Variants in TRIML1 observed in about 807,000 individuals in gnomAD.
TRIML1 encodes probable E3 ubiquitin-protein ligase TRIML1.
Under a neutral mutation model 32.3 loss-of-function variants are expected in TRIML1, and 34 were observed. The ratio of observed to expected loss-of-function variants is 1.05; its 90% CI spans 0.80 to 1.40. The LOEUF (loss-of-function observed/expected upper bound fraction) is 1.40, where lower values mean the gene tolerates loss of function less well. TRIML1 is among the 40% of genes most tolerant of loss of function. The pLI is 0.00. For synonymous variants in TRIML1, 244 were observed against 226.6 expected (o/e 1.08, Z -0.69); for missense variants, 595 against 574.9 (o/e 1.03, Z -0.36).
In TRIML1 at chr4:188,139,734, C is replaced by T. The variant is rs1560969213; in HGVS notation, c.176C>T (p.Thr59Ile). 6.2e-7 allele frequency: 1 copy of T among 1,613,920 alleles called. No homozygotes were observed. The highest frequency in any genetic ancestry group is 1.3e-5 in the African/African-American group (1 of 75,004). Residue 59 changes from threonine to isoleucine, a missense_variant, in exon 1 of 6, where the codon ACC becomes ATC. Thr to Ile is a moderately conservative substitution (Grantham distance 89). Coordinates refer to ENST00000332517, the MANE Select transcript of TRIML1 (RefSeq NM_178556.5). The stretch of plus-strand genomic sequence containing the variant: ...TTATCTTGTCCTGAGTGCTGGAGGA[C>T]CTTGGAGGGCCCGCATTTCCAGTCA... ...TPLSCPECWR[T>I]LEGPHFQSNE...
intron 1 of TRIML1, 152 bp downstream of exon 1, chr4:188,140,118 T>C (rs1271957154): frequency 1.3e-6 from 1 of 765,994 alleles, no homozygotes; most frequent in Non-Finnish European, 2.0e-6. Flanking sequence ...TTACACCCTT[T>C]TTTTTCCCTT....
At position 188,139,916 on chromosome 4, in the gene TRIML1, C is replaced by T. The variant is rs752917428; in HGVS notation, c.358C>T (p.His120Tyr). 2.5e-6 allele frequency: 4 copies of T among 1,613,648 alleles called. No homozygotes were observed. In the East Asian group the frequency reaches 8.9e-5, roughly 36 times the overall value. The part of the protein sequence containing the change: ...QGGSAFVAQS[H>Y]GANRVHLSSE... ...TGGAAGCGCCTTCGTAGCCCAGAGC[C>T]ATGGTGCAAACAGAGTGCATCTCTC... The change falls in exon 1 of 6, where the codon CAT becomes TAT. Residue 120 changes from histidine to tyrosine, a missense_variant. By Grantham distance (83) the His-to-Tyr change is moderately conservative. Coordinates refer to ENST00000332517, the MANE Select transcript of TRIML1 (RefSeq NM_178556.5).
rs1734814128 is a variant in TRIML1 at position 188,140,518 on chromosome 4, T to C, written c.409-10T>C. On this transcript the variant is annotated splice_polypyrimidine_tract_variant and intron_variant, in intron 1 of 5. Coordinates refer to ENST00000332517, the MANE Select transcript of TRIML1 (RefSeq NM_178556.5). ...GCTCATTTGCCAGAAAGGGTTTGTTTCTATTGCAGGAGAAACTCCAGGAAA... is the reference window on the plus strand; with the variant it reads ...GCTCATTTGCCAGAAAGGGTTTGTTCCTATTGCAGGAGAAACTCCAGGAAA... The C allele has an allele frequency of 6.2e-7, 1 of 1,606,770 alleles. No homozygotes were observed. Among genetic ancestry groups the C allele is most frequent in the Admixed American group, 1.7e-5 (1 of 59,360 alleles).
chr4:188,147,419 C>T lies in TRIML1; in HGVS notation c.*47C>T. Reference sequence around the variant, plus strand: ...CAGCGGGCGATGTCTGAGACCAAGACACAACTATTAAGACGATGAAGGCAT... The same window carrying T: ...CAGCGGGCGATGTCTGAGACCAAGATACAACTATTAAGACGATGAAGGCAT... On this transcript the variant is annotated 3_prime_UTR_variant, in exon 6 of 6. Transcript: ENST00000332517. 1 of 1,429,568 alleles carries T rather than the reference C, an allele frequency of 7.0e-7. No individual in the cohort carries two copies. The highest frequency in any genetic ancestry group is 9.2e-7 in the Non-Finnish European group (1 of 1,089,972). 88.6% of individuals were successfully genotyped at this position (1,429,568 alleles called of 1,614,324 possible).
chr4:188,144,200 T>A, intron 5 of TRIML1, 67 bp downstream of exon 5: 1 of 1,364,994 alleles, frequency 7.3e-7, no homozygotes, highest in East Asian at 2.4e-5. Context: ...CTTCTTCCAG[T>A]GTCAGACATT....
chr4:188,148,552 G>A (rs1259451412), downstream of TRIML1, among the ~76,000 whole-genome samples: 18 of 152,140 alleles, frequency 1.2e-4, no homozygotes. Context: ...GAGCTCTTTT[G>A]GCTGGTGGTC....
In TRIML1 at chr4:188,139,614, G is replaced by A; in HGVS notation, c.56G>A (p.Cys19Tyr). Residue 19 changes from cysteine (C) to tyrosine (Y), a missense_variant, in exon 1 of 6, where the codon TGC becomes TAC. Cys to Tyr is a radical substitution (Grantham distance 194). Coordinates refer to ENST00000332517, the MANE Select transcript of TRIML1 (RefSeq NM_178556.5). ...NLREELTCFI[C>Y]LDYFSSPVTT... ...AGGGAGGAACTCACCTGTTTCATCTGCTTAGACTATTTCAGCAGCCCAGTG... is the reference window on the plus strand; with the variant it reads ...AGGGAGGAACTCACCTGTTTCATCTACTTAGACTATTTCAGCAGCCCAGTG... 1 of 1,613,420 alleles carries A rather than the reference G, an allele frequency of 6.2e-7. No homozygotes were observed. The highest frequency in any genetic ancestry group is 8.5e-7 in the Non-Finnish European group (1 of 1,179,682).
Position 188,139,815 on chromosome 4 carries a change from T to C in TRIML1, c.257T>C (p.Leu86Pro). 6.2e-7 allele frequency: 1 copy of C among 1,613,926 alleles called. No homozygotes were observed. Among genetic ancestry groups the C allele is most frequent in the Non-Finnish European group, 8.5e-7 (1 of 1,180,028 alleles). The change falls in exon 1 of 6, where the codon CTG becomes CCG. Residue 86 changes from leucine (L) to proline (P), a missense_variant. By Grantham distance (98) the Leu-to-Pro change is moderately conservative. Transcript: ENST00000332517. Reference sequence around the variant, plus strand: ...GCCAGGCAGCTCCGGTCCCAGGTGCTGCAGAGCGAGGATGAGCAGGGCAGC... The same window carrying C: ...GCCAGGCAGCTCCGGTCCCAGGTGCCGCAGAGCGAGGATGAGCAGGGCAGC... ...SIARQLRSQVLQSEDEQGSYG... is the reference protein window; with the variant it reads ...SIARQLRSQVPQSEDEQGSYG...
chr4:188,150,665 G>C (rs1735230074), downstream of TRIML1, among the ~76,000 whole-genome samples: 1 of 151,760 alleles, frequency 6.6e-6, no homozygotes, highest in South Asian at 2.1e-4. Context: ...GTCCCAAAGT[G>C]GTAGATACTG....
At chr4:188,138,412 G>C (rs915434071), upstream of TRIML1, among the ~76,000 whole-genome samples, 1 of 152,028 alleles carries the variant, frequency 6.6e-6, no homozygotes, top group Non-Finnish European at 1.5e-5. Context: ...GAAATATGGC[G>C]TGATGAGTTC....
intron 2 of TRIML1, among the ~76,000 whole-genome samples, chr4:188,141,624 G>A (rs1375597550): frequency 1.3e-5 from 2 of 151,944 alleles, no homozygotes; most frequent in African/African-American, 4.8e-5. Context: ...TCATAGTCCT[G>A]ATCACTACTT....
In TRIML1 at chr4:188,147,417, G is replaced by T; in HGVS notation, c.*45G>T. On this transcript the variant is annotated 3_prime_UTR_variant, in exon 6 of 6. Transcript: ENST00000332517. ...CACAGCGGGCGATGTCTGAGACCAAGACACAACTATTAAGACGATGAAGGC... is the reference window on the plus strand; with the variant it reads ...CACAGCGGGCGATGTCTGAGACCAATACACAACTATTAAGACGATGAAGGC... 7.0e-7 allele frequency: 1 copy of T among 1,431,914 alleles called. No individual in the cohort carries two copies. The highest frequency in any genetic ancestry group is 2.4e-5 in the East Asian group (1 of 41,582). 88.7% of individuals were successfully genotyped at this position (1,431,914 alleles called of 1,614,324 possible).
intron 2 of TRIML1, among the ~76,000 whole-genome samples, chr4:188,141,761 C>A (rs1352288806): frequency 6.6e-6 from 1 of 152,070 alleles, no homozygotes; most frequent in Admixed American, 6.6e-5. Context: ...CCTCTACACC[C>A]AGCGCATCAA....
At chr4:188,139,277 T>C (rs11938607), upstream of TRIML1, 193,320 of 302,798 alleles carry the variant, frequency 0.64, 67,872 homozygotes, top group Non-Finnish European at 0.76. Context: ...GAAGCCAGAA[T>C]CCTCAGCCTC....
At chr4:188,142,125 AAAAAAAAG>A in intron 2 of TRIML1, 119 bp from the exon 3 acceptor site, 1 of 669,842 alleles carries the variant, frequency 1.5e-6, no homozygotes, top group Non-Finnish European at 2.4e-6. Context: ...CAAAAAAAAA[AAAAAAAAG>A]AAAGAAAGAA....
chr4:188,144,296 C>T (rs962808355), intron 5 of TRIML1, among the ~76,000 whole-genome samples, 163 bp downstream of exon 5: 2 of 151,556 alleles, frequency 1.3e-5, no homozygotes, highest in Middle Eastern at 3.5e-3. Context: ...CGTCTCTGAG[C>T]GTGAGCAGAG....
rs764928093 is a variant in TRIML1 at position 188,139,621 on chromosome 4, C to G, written c.63C>G (p.Asp21Glu). ...REELTCFICL[D>E]YFSSPVTTEC... is the part of the protein sequence containing the mutation. ...AACTCACCTGTTTCATCTGCTTAGA[C>G]TATTTCAGCAGCCCAGTGACCACCG... Residue 21 changes from aspartate to glutamate, a missense_variant, in exon 1 of 6, where the codon GAC (aspartate) becomes GAG (glutamate). Asp to Glu is a conservative substitution (Grantham distance 45, BLOSUM62 2). Coordinates refer to ENST00000332517, the MANE Select transcript of TRIML1 (RefSeq NM_178556.5). 9 of 1,613,564 alleles carry G rather than the reference C, an allele frequency of 5.6e-6. No individual in the cohort carries two copies. In the Admixed American group the frequency reaches 1.5e-4, roughly 27 times the overall value.
chr4:188,144,491 T>C lies in TRIML1; in HGVS notation c.856+358T>C, dbSNP rs569350512. On this transcript the variant is annotated intron_variant, in intron 5 of 5. Transcript: ENST00000332517. The stretch of plus-strand genomic sequence containing the variant: ...CATTCTCCTGCCTCAGCCTCCCGAG[T>C]AGCTGGGACTACAGGCGCCCGCCAC... Among the ~76,000 whole-genome samples, 22 of 143,992 alleles carry C rather than the reference T, an allele frequency of 1.5e-4. 1 individual carries two copies. The South Asian group carries it at 4.6e-3, about 30-fold the overall frequency. 94.5% of individuals were successfully genotyped at this position (143,992 alleles called of 152,430 possible). A position where few individuals can be genotyped will look rare whatever the true frequency, so the allele number is the denominator to read the frequency against.
At chr4:188,137,792 T>C (rs1209680614), upstream of TRIML1, among the ~76,000 whole-genome samples, 6 of 152,204 alleles carry the variant, frequency 3.9e-5, no homozygotes, top group African/African-American at 1.4e-4. Context: ...TTCATATTTT[T>C]AGTAGAGACG....
Sources: gnomAD v4.1 joint callset for allele counts (sites outside exome capture counted in the v4.1 genomes callset) on GRCh38, gnomAD v4.1.1 for gene constraint, MANE v1.5 for transcripts, NCBI Gene and HGNC (gene_info 2026-07-23, HGNC 2026-07-21) for gene names.